LRRN2: variants seen among roughly 807,000 people sequenced by gnomAD.
The protein encoded by LRRN2 is leucine rich repeat neuronal 2, also known as leucine-rich repeat neuronal protein 2.
Under a neutral mutation model 35.7 loss-of-function variants are expected in LRRN2, and 10 were observed. That is an observed-to-expected ratio of 0.28 (90% CI 0.17 to 0.47). The LOEUF (loss-of-function observed/expected upper bound fraction) is 0.47. LRRN2 is among the 20% of genes least tolerant of loss of function. The pLI is 0.99. For missense variants in LRRN2, 731 were observed against 940.3 expected, an observed-to-expected ratio of 0.78 and a Z score of 2.91; for synonymous variants, 391 against 409.6, an observed-to-expected ratio of 0.95 and a Z score of 0.55.
chr1:204,643,139 G>A (rs1468864300), intron 1 of LRRN2, among the ~76,000 whole-genome samples: 2 of 152,188 alleles, frequency 1.3e-5, no homozygotes, highest in East Asian at 3.9e-4. Context: ...CTTCATCTGA[G>A]TTACATTTAT....
chr1:204,650,497 T>G (rs568611485), intron 1 of LRRN2, among the ~76,000 whole-genome samples: 22 of 151,972 alleles, frequency 1.4e-4, no homozygotes, highest in African/African-American at 5.1e-4. Context: ...GTCCTACTAG[T>G]CTTACCCTCA....
intron 1 of LRRN2, among the ~76,000 whole-genome samples, chr1:204,646,625 C>G (rs1379958955): frequency 2.0e-5 from 3 of 152,096 alleles, no homozygotes; most frequent in Non-Finnish European, 4.4e-5. Flanking sequence ...CCAGTCCAAA[C>G]TGAGATGTGC....
chr1:204,627,055 C>T (rs1339112408), intron 1 of LRRN2: 1 of 152,008 alleles, frequency 6.6e-6, no homozygotes, highest in East Asian at 1.9e-4. Flanking sequence ...CTAGTTGTTG[C>T]CACTGGGATG....
At chr1:204,659,545 T>C (rs554735202) in intron 1 of LRRN2, among the ~76,000 whole-genome samples, 2 of 152,252 alleles carry the variant, frequency 1.3e-5, no homozygotes, top group African/African-American at 4.8e-5. Context: ...TCCCAGGACA[T>C]CTGTCTTACG....
Position 204,651,536 on chromosome 1 carries a change from G to A in LRRN2, c.-226-31318C>T, listed in dbSNP as rs80237996. On this transcript the variant is annotated intron_variant, in intron 1 of 1. Transcript: ENST00000367177. ...AGGAAGGGACTGACACCTGGATGAT[G>A]AGGAAGCAGAGTGGGGTGACCAACT... is the stretch of plus-strand genomic sequence containing the variant. 1.4e-4 allele frequency among the ~76,000 whole-genome samples: 21 copies of A among 152,286 alleles called. No individual in the cohort carries two copies. In the East Asian group the frequency reaches 3.3e-3, roughly 24 times the overall value.
intron 1 of LRRN2, 140 bp downstream of exon 1, chr1:204,685,180 G>C (rs994972966): frequency 2.0e-5 from 3 of 152,270 alleles, no homozygotes; most frequent in Non-Finnish European, 2.9e-5. Flanking sequence ...CTGCGGTGCC[G>C]GGGCAGGAGC....
intron 1 of LRRN2, among the ~76,000 whole-genome samples, chr1:204,661,084 GTTGATTGA>G (rs539654502): frequency 5.3e-5 from 8 of 152,148 alleles, no homozygotes; most frequent in African/African-American, 1.7e-4. Context: ...GAAAAATCTG[GTTGATTGA>G]TTGATTGATT....
Position 204,620,132 on chromosome 1 carries a change from C to A in LRRN2, c.-140G>T, listed in dbSNP as rs1485369375. 1 of 1,461,328 alleles carries A rather than the reference C, an allele frequency of 6.8e-7. No individual in the cohort carries two copies. The highest frequency in any genetic ancestry group is 1.4e-5 in the African/African-American group (1 of 70,212). 90.5% of individuals were successfully genotyped at this position (1,461,328 alleles called of 1,614,324 possible). ...GGCAGTCATTCTACACCGGGCGTCA[C>A]TTCTTGCCCTCCTCAATATGCCTTC... On this transcript the variant is annotated 5_prime_UTR_variant, in exon 2 of 2. Transcript: ENST00000367177.
At chr1:204,638,652 C>T (rs999522570) in intron 1 of LRRN2, among the ~76,000 whole-genome samples, 42 of 152,174 alleles carry the variant, frequency 2.8e-4, no homozygotes, top group African/African-American at 9.2e-4. Flanking sequence ...CCTCGTGATC[C>T]ACCCACCTCG....
At chr1:204,668,107 G>C (rs1399871527) in intron 1 of LRRN2, among the ~76,000 whole-genome samples, 2 of 152,128 alleles carry the variant, frequency 1.3e-5, no homozygotes, top group Admixed American at 1.3e-4. Context: ...AAAAGCAAGA[G>C]GCCAGTGCTG....
chr1:204,618,453 C>T lies in LRRN2; in HGVS notation c.1540G>A (p.Val514Met). ...CCTGGCTGGAGGAGAGCACGGCCCA[C>T]AACCACACTAACCGTCTTAGTGTCA... ...GADTKTVSVVVGRALLQPGRD... is the reference protein window; with the variant it reads ...GADTKTVSVVMGRALLQPGRD... The change falls in exon 2 of 2, where the codon GTG (valine) becomes ATG (methionine). Residue 514 changes from valine to methionine, a missense_variant. By Grantham distance (21) the Val-to-Met change is conservative. Coordinates refer to ENST00000367177, the MANE Select transcript of LRRN2 (RefSeq NM_201630.2). The T allele has an allele frequency of 6.2e-7, 1 of 1,614,198 alleles. No individual in the cohort carries two copies. Among genetic ancestry groups the T allele is most frequent in the Non-Finnish European group, 8.5e-7 (1 of 1,180,008 alleles).
chr1:204,620,282 GTTTGTTTGT>G (rs1666784501), intron 1 of LRRN2, 64 bp from the exon 2 acceptor site: 9 of 1,157,262 alleles, frequency 7.8e-6, no homozygotes, highest in South Asian at 2.0e-5. Flanking sequence ...CTCCTCCCGT[GTTTGTTTGT>G]TTGAGACAGA....
chr1:204,643,292 C>T (rs1203085595), intron 1 of LRRN2, among the ~76,000 whole-genome samples: 2 of 152,200 alleles, frequency 1.3e-5, no homozygotes, highest in East Asian at 3.8e-4. Flanking sequence ...AGTTGGACTG[C>T]AGAGTCTGGG....
intron 1 of LRRN2, among the ~76,000 whole-genome samples, chr1:204,677,993 T>A (rs533677553): frequency 1.3e-5 from 2 of 152,196 alleles, no homozygotes; most frequent in East Asian, 3.9e-4. Context: ...CCTCTCACCC[T>A]GCCAGCTCCA....
chr1:204,642,061 C>T (rs1223985403), intron 1 of LRRN2, among the ~76,000 whole-genome samples: 1 of 152,212 alleles, frequency 6.6e-6, no homozygotes, highest in Non-Finnish European at 1.5e-5. Flanking sequence ...CCAGGTAAAG[C>T]AGCTTGGAGG....
intron 1 of LRRN2, among the ~76,000 whole-genome samples, chr1:204,657,339 T>TACACACACACACACACACAC (rs1285210348): frequency 2.4e-5 from 3 of 124,294 alleles, no homozygotes; most frequent in African/African-American, 9.1e-5. Context: ...TATATGTATA[T>TACACACACACACACACACAC]ATACACACAC....
intron 1 of LRRN2, among the ~76,000 whole-genome samples, chr1:204,654,433 C>A (rs1668301183): frequency 6.6e-6 from 1 of 152,152 alleles, no homozygotes; most frequent in African/African-American, 2.4e-5. Flanking sequence ...GCTTGTTAGG[C>A]CTTAGTTTTT....
chr1:204,624,537 G>C (rs1442350380), intron 1 of LRRN2, among the ~76,000 whole-genome samples: 1 of 152,206 alleles, frequency 6.6e-6, no homozygotes, highest in African/African-American at 2.4e-5. Context: ...TGGATTTAGC[G>C]GAAACTGTGG....
At chr1:204,625,812 A>C (rs1558402537) in intron 1 of LRRN2, among the ~76,000 whole-genome samples, 2 of 152,214 alleles carry the variant, frequency 1.3e-5, no homozygotes, top group African/African-American at 4.8e-5. Flanking sequence ...ATAGCGTCTT[A>C]GAATCTCATG....
Sources: gnomAD v4.1 joint callset for allele counts (sites outside exome capture counted in the v4.1 genomes callset) on GRCh38, gnomAD v4.1.1 for gene constraint, MANE v1.5 for transcripts, NCBI Gene and HGNC (gene_info 2026-07-23, HGNC 2026-07-21) for gene names.